The following KCNN2 variants were observed in gnomAD, a reference collection of about 807,000 sequenced individuals.
KCNN2 encodes potassium calcium-activated channel subfamily N member 2.
Under a neutral mutation model 55.5 loss-of-function variants are expected in KCNN2, and 24 were observed. The ratio of observed to expected loss-of-function variants is 0.43; its 90% CI spans 0.31 to 0.61. The LOEUF (loss-of-function observed/expected upper bound fraction) is 0.61, where lower values mean the gene tolerates loss of function less well. Ranked by LOEUF, KCNN2 falls within the 20% of genes least tolerant of loss-of-function variation. The probability of loss-of-function intolerance (pLI) is 0.08; values close to 1 mark genes in which losing one functional copy is unlikely to be tolerated. For missense variants in KCNN2, 754 were observed against 853.6 expected, an observed-to-expected ratio of 0.88 and a Z score of 1.45; for synonymous variants, 431 against 336.1, an observed-to-expected ratio of 1.28 and a Z score of -3.09.
intron 2 of KCNN2, among the ~76,000 whole-genome samples, chr5:114,271,694 A>T (rs571988547): frequency 6.6e-6 from 1 of 151,748 alleles, no homozygotes; most frequent in Non-Finnish European, 1.5e-5. Context: ...TCCTCCCCCT[A>T]CTCTGTATGG....
At chr5:114,475,467 G>C (rs1013691319) in intron 5 of KCNN2, among the ~76,000 whole-genome samples, 2 of 152,246 alleles carry the variant, frequency 1.3e-5, no homozygotes, top group East Asian at 1.9e-4. Context: ...TGACATCTTA[G>C]AAAGGACAGT....
At chr5:114,181,390 G>C (rs1302372923) in intron 1 of KCNN2, among the ~76,000 whole-genome samples, 2 of 152,162 alleles carry the variant, frequency 1.3e-5, no homozygotes, top group African/African-American at 4.8e-5. Flanking sequence ...TATTGGCAAT[G>C]CATATGTCTT....
chr5:114,188,784 A>G lies in KCNN2; in HGVS notation c.-270-32696A>G, dbSNP rs570767610. On this transcript the variant is annotated intron_variant, in intron 1 of 10. Transcript: ENST00000512097. ...CAAGTTCATCATGTTGAAAATTATT[A>G]TATGAAAAAATATAAAGAAGACTAA... Among the ~76,000 whole-genome samples, 29 of 152,334 alleles carry G rather than the reference A, an allele frequency of 1.9e-4. No individual in the cohort carries two copies. The South Asian group carries it at 5.2e-3, about 27-fold the overall frequency.
chr5:114,245,610 C>T (rs1754734564), intron 2 of KCNN2, among the ~76,000 whole-genome samples: 4 of 152,216 alleles, frequency 2.6e-5, no homozygotes, highest in South Asian at 4.1e-4. Context: ...CCTGTCTGTT[C>T]TAGAATGATT....
intron 2 of KCNN2, among the ~76,000 whole-genome samples, chr5:114,313,385 A>C (rs1165155090): frequency 6.6e-6 from 1 of 152,184 alleles, no homozygotes; most frequent in African/African-American, 2.4e-5. Context: ...GTACAAGCTT[A>C]AGTCATTTGT....
At chr5:114,273,556 T>G (rs1021941154) in intron 2 of KCNN2, among the ~76,000 whole-genome samples, 1 of 152,218 alleles carries the variant, frequency 6.6e-6, no homozygotes, top group African/African-American at 2.4e-5. Flanking sequence ...CTAACTGGCA[T>G]GAGATGGTAC....
intron 1 of KCNN2, among the ~76,000 whole-genome samples, chr5:114,208,013 T>C (rs765423838): frequency 6.6e-6 from 1 of 152,190 alleles, no homozygotes; most frequent in Non-Finnish European, 1.5e-5. Context: ...AGTAGGTAGG[T>C]TGTGACTGGC....
intron 2 of KCNN2, among the ~76,000 whole-genome samples, chr5:114,351,933 T>C (rs1188522270): frequency 6.6e-6 from 1 of 151,756 alleles, no homozygotes; most frequent in African/African-American, 2.4e-5. Flanking sequence ...ATCAGGGTAA[T>C]ACTGGCCTTT....
intron 3 of KCNN2, among the ~76,000 whole-genome samples, chr5:114,460,286 C>G (rs1374925072): frequency 1.3e-5 from 2 of 152,154 alleles, no homozygotes; most frequent in Admixed American, 1.3e-4. Context: ...GTCATCCAGG[C>G]TGGAGTGCAG....
At chr5:114,248,832 T>G (rs1158000608) in intron 2 of KCNN2, among the ~76,000 whole-genome samples, 2 of 152,160 alleles carry the variant, frequency 1.3e-5, no homozygotes, top group East Asian at 3.8e-4. Context: ...TATTAATCCA[T>G]AAGTTATAGA....
chr5:114,183,095 T>G (rs1287662866), intron 1 of KCNN2, among the ~76,000 whole-genome samples: 1 of 152,112 alleles, frequency 6.6e-6, no homozygotes, highest in Non-Finnish European at 1.5e-5. Context: ...AGATGCTGAA[T>G]TTGGTAAAAT....
chr5:114,412,210 G>A (rs1759157955), intron 3 of KCNN2, among the ~76,000 whole-genome samples: 1 of 152,160 alleles, frequency 6.6e-6, no homozygotes. Context: ...TATGGGCATT[G>A]AATATAATCT....
intron 2 of KCNN2, among the ~76,000 whole-genome samples, chr5:114,289,431 G>C (rs1180255726): frequency 1.3e-5 from 2 of 148,774 alleles, no homozygotes; most frequent in Admixed American, 1.4e-4. Flanking sequence ...ATGGAGTACA[G>C]TGGGGCAATC....
At chr5:114,062,856 A>G (rs879589675) in intron 1 of KCNN2, among the ~76,000 whole-genome samples, 4 of 152,212 alleles carry the variant, frequency 2.6e-5, no homozygotes, top group Non-Finnish European at 5.9e-5. Flanking sequence ...AAATGTTAGG[A>G]TACTAATTTG....
At chr5:114,335,568 T>A (rs758585721) in intron 2 of KCNN2, among the ~76,000 whole-genome samples, 1 of 152,158 alleles carries the variant, frequency 6.6e-6, no homozygotes, top group Non-Finnish European at 1.5e-5. Context: ...CATTGGGTGG[T>A]ACATACTCCA....
chr5:114,086,091 T>G (rs1751010535), intron 1 of KCNN2, among the ~76,000 whole-genome samples: 2 of 152,158 alleles, frequency 1.3e-5, no homozygotes. Flanking sequence ...TCTTTCTTCC[T>G]TTTCTTTCTT....
intron 2 of KCNN2, among the ~76,000 whole-genome samples, chr5:114,284,536 T>G (rs1232932390): frequency 3.3e-5 from 5 of 152,166 alleles, no homozygotes; most frequent in Non-Finnish European, 7.3e-5. Context: ...TTTTTGTTTT[T>G]GAGATGGAGT....
intron 1 of KCNN2, among the ~76,000 whole-genome samples, chr5:114,118,582 T>C (rs1343536586): frequency 6.6e-6 from 1 of 151,824 alleles, no homozygotes; most frequent in Non-Finnish European, 1.5e-5. Flanking sequence ...CTGGCTTTGG[T>C]TCAGGCCCTC....
At chr5:114,401,943 A>C (rs1263040638) in intron 2 of KCNN2, among the ~76,000 whole-genome samples, 1 of 152,218 alleles carries the variant, frequency 6.6e-6, no homozygotes, top group African/African-American at 2.4e-5. Context: ...TTAATCTTGA[A>C]TTAAATTTTA....
Sources: gnomAD v4.1 joint callset for allele counts (sites outside exome capture counted in the v4.1 genomes callset) on GRCh38, gnomAD v4.1.1 for gene constraint, MANE v1.5 for transcripts, NCBI Gene and HGNC (gene_info 2026-07-23, HGNC 2026-07-21) for gene names.